The following SKAP1 variants were observed in gnomAD, a reference collection of about 807,000 sequenced individuals.
SKAP1 encodes the protein src kinase-associated phosphoprotein 1.
A neutral mutation model predicts 58.5 loss-of-function variants in SKAP1; 44 were observed. That is an observed-to-expected ratio of 0.75 (90% CI 0.59 to 0.97). The LOEUF is 0.97. Ranked by LOEUF, SKAP1 falls within the 50% of genes least tolerant of loss-of-function variation. The pLI is 0.00. For synonymous variants in SKAP1, 127 were observed against 149.7 expected, an observed-to-expected ratio of 0.85 and a Z score of 1.11; for missense variants, 390 against 435.2, an observed-to-expected ratio of 0.90 and a Z score of 0.92.
At chr17:48,262,191 G>A (rs1014292024) in intron 4 of SKAP1, among the ~76,000 whole-genome samples, 1 of 152,204 alleles carries the variant, frequency 6.6e-6, no homozygotes, top group African/African-American at 2.4e-5. Flanking sequence ...CCTGCAGGAG[G>A]CCCCCAGTCA....
At chr17:48,146,939 C>G (rs1261435571) in intron 11 of SKAP1, among the ~76,000 whole-genome samples, 2 of 152,148 alleles carry the variant, frequency 1.3e-5, no homozygotes, top group African/African-American at 4.8e-5. Flanking sequence ...AAGGCATCAT[C>G]TGTTTAACTG....
chr17:48,157,442 C>T (rs1193415809), intron 11 of SKAP1, among the ~76,000 whole-genome samples: 3 of 151,956 alleles, frequency 2.0e-5, no homozygotes, highest in Non-Finnish European at 4.4e-5. Flanking sequence ...ACCATGTTGG[C>T]CAGGCTGGTC....
At chr17:48,278,607 A>G (rs1019769155) in intron 4 of SKAP1, among the ~76,000 whole-genome samples, 2 of 152,200 alleles carry the variant, frequency 1.3e-5, no homozygotes, top group African/African-American at 4.8e-5. Context: ...AATGATTAAT[A>G]GTCCAGATGA....
chr17:48,418,450 G>A (rs933965042), intron 1 of SKAP1, among the ~76,000 whole-genome samples: 4 of 152,302 alleles, frequency 2.6e-5, no homozygotes, highest in African/African-American at 9.6e-5. Context: ...TAAAAAGACT[G>A]CAATACCAAA....
chr17:48,441,536 G>A, the SKAP1 span, among the ~76,000 whole-genome samples: 4 of 152,202 alleles, frequency 2.6e-5, no homozygotes, highest in Non-Finnish European at 5.9e-5. Flanking sequence ...ACCACTTCCT[G>A]TGTCAGCTGA....
At chr17:48,184,167 T>G (rs1029757124) in intron 7 of SKAP1, among the ~76,000 whole-genome samples, 3 of 152,220 alleles carry the variant, frequency 2.0e-5, no homozygotes, top group African/African-American at 7.2e-5. Flanking sequence ...GAATAAGTCT[T>G]TCTTGCCCCG....
rs200733793 is a variant in SKAP1 at position 48,202,419 on chromosome 17, C to T, written c.281-12919G>A. Among the ~76,000 whole-genome samples the T allele has an allele frequency of 2.2e-3, 335 of 152,196 alleles. 2 individuals are homozygous for T. The highest frequency in any genetic ancestry group is 8.1e-3 in the Admixed American group (124 of 15,286). ...GTCAAAGGGCCACTCCCAAGCCAAA[C>T]CTCACCCTCAGACAGCTCCATGTGT... On this transcript the variant is annotated intron_variant, in intron 4 of 12. Transcript: ENST00000336915.
chr17:48,143,136 G>A (rs1404437195), intron 11 of SKAP1, among the ~76,000 whole-genome samples: 1 of 149,074 alleles, frequency 6.7e-6, no homozygotes, highest in African/African-American at 2.5e-5. Flanking sequence ...TCCCAGGCCA[G>A]CTTCTCCCTA....
At chr17:48,209,909 A>G (rs1045606448) in intron 4 of SKAP1, among the ~76,000 whole-genome samples, 5 of 152,206 alleles carry the variant, frequency 3.3e-5, no homozygotes, top group Non-Finnish European at 5.9e-5. Context: ...TGACTTCTGT[A>G]ATTCCTGAAA....
chr17:48,215,593 C>A (rs1286934295), intron 4 of SKAP1, among the ~76,000 whole-genome samples: 2 of 152,092 alleles, frequency 1.3e-5, no homozygotes, highest in Non-Finnish European at 2.9e-5. Context: ...AGATATGACT[C>A]TGGACTCAGG....
intron 11 of SKAP1, among the ~76,000 whole-genome samples, chr17:48,160,949 T>C (rs1166284578): frequency 2.0e-5 from 3 of 152,192 alleles, no homozygotes; most frequent in Non-Finnish European, 4.4e-5. Context: ...TCTTGGTGTG[T>C]ATTGGAGCCA....
At chr17:48,432,211 A>G (rs2144638021), upstream of SKAP1, among the ~76,000 whole-genome samples, 1 of 152,340 alleles carries the variant, frequency 6.6e-6, no homozygotes, top group Non-Finnish European at 1.5e-5. Flanking sequence ...CAGGCGGATC[A>G]CGAGGTCAGG....
At chr17:48,238,941 G>T (rs1277316293) in intron 4 of SKAP1, among the ~76,000 whole-genome samples, 2 of 152,140 alleles carry the variant, frequency 1.3e-5, no homozygotes, top group Non-Finnish European at 2.9e-5. Flanking sequence ...ATCTTCAAAT[G>T]AAAGATGCCC....
chr17:48,417,988 C>T (rs960619935), intron 1 of SKAP1, among the ~76,000 whole-genome samples: 2 of 151,642 alleles, frequency 1.3e-5, no homozygotes, highest in Admixed American at 1.3e-4. Flanking sequence ...TAAAAAAAAA[C>T]AACAACAACA....
chr17:48,285,613 T>C (rs1287308681), intron 4 of SKAP1, among the ~76,000 whole-genome samples: 1 of 120,046 alleles, frequency 8.3e-6, no homozygotes, highest in Non-Finnish European at 1.8e-5. Flanking sequence ...AGACTCCATC[T>C]GAAAAAAAAA....
chr17:48,235,780 G>A (rs1365375926), intron 4 of SKAP1, among the ~76,000 whole-genome samples: 2 of 152,164 alleles, frequency 1.3e-5, no homozygotes, highest in African/African-American at 2.4e-5. Context: ...ATCACCCAGA[G>A]GCAAGTCTTG....
intron 1 of SKAP1, among the ~76,000 whole-genome samples, chr17:48,398,602 CT>C (rs1408505077): frequency 3.9e-5 from 6 of 152,138 alleles, no homozygotes; most frequent in Admixed American, 3.3e-4. Context: ...TTGGGGACCC[CT>C]GATACATACT....
intron 4 of SKAP1, among the ~76,000 whole-genome samples, chr17:48,247,003 C>T (rs938625794): frequency 1.3e-5 from 2 of 152,190 alleles, no homozygotes; most frequent in East Asian, 1.9e-4. Context: ...CTGACTCATA[C>T]CTCTCGCAGT....
intron 9 of SKAP1, among the ~76,000 whole-genome samples, chr17:48,172,305 T>C (rs897510375): frequency 6.6e-6 from 1 of 152,146 alleles, no homozygotes; most frequent in African/African-American, 2.4e-5. Context: ...GGGTTCTAAC[T>C]CAATGCCAGT....
Sources: gnomAD v4.1 joint callset for allele counts (sites outside exome capture counted in the v4.1 genomes callset) on GRCh38, gnomAD v4.1.1 for gene constraint, MANE v1.5 for transcripts, NCBI Gene and HGNC (gene_info 2026-07-23, HGNC 2026-07-21) for gene names.